Variants in AFF1 observed in about 807,000 individuals in gnomAD.
The protein encoded by AFF1 is ALF transcription elongation factor 1.
Under a neutral mutation model 121.7 loss-of-function variants are expected in AFF1, and 48 were observed. The observed-to-expected ratio is 0.39, with a 90% confidence interval of 0.31 to 0.50. The LOEUF is 0.50. Ranked by LOEUF, AFF1 falls within the 20% of genes least tolerant of loss-of-function variation. The pLI, the probability that AFF1 is intolerant of heterozygous loss-of-function variation, is 0.76. For missense variants in AFF1, 1,523 were observed against 1,511.7 expected (o/e 1.01, Z -0.12); for synonymous variants, 613 against 563.0 (o/e 1.09, Z -1.26).
Position 87,122,591 on chromosome 4 carries a change from A to G in AFF1, c.2467-2446A>G, listed in dbSNP as rs142350221. ...GGTTTAGAACTCGGTTGCTTATTTC[A>G]TATTGTCTCCCTTTTCAGTCCTTCA... On this transcript the variant is annotated intron_variant, in intron 12 of 20. Coordinates refer to ENST00000395146, the MANE Select transcript of AFF1 (RefSeq NM_001166693.3). 3.2e-3 allele frequency among the ~76,000 whole-genome samples: 485 copies of G among 152,034 alleles called. 3 individuals carry two copies. Among genetic ancestry groups the G allele is most frequent in the African/African-American group, 0.011 (457 of 41,376 alleles).
intron 1 of AFF1, among the ~76,000 whole-genome samples, chr4:86,944,074 GTTGAGGTTGCA>G: frequency 6.6e-6 from 1 of 150,664 alleles, no homozygotes; most frequent in Non-Finnish European, 1.5e-5. Context: ...AGCCCAGAAG[GTTGAGGTTGCA>G]GTGAGCCATG....
At chr4:87,110,649 T>C (rs1411716869) in intron 11 of AFF1, among the ~76,000 whole-genome samples, 10 of 152,152 alleles carry the variant, frequency 6.6e-5, no homozygotes, top group Admixed American at 6.5e-4. Flanking sequence ...AAAAAAAATT[T>C]TGCACTCATA....
At chr4:87,081,638 CAG>C (rs1723194637) in intron 4 of AFF1, among the ~76,000 whole-genome samples, 1 of 152,118 alleles carries the variant, frequency 6.6e-6, no homozygotes. Context: ...CCATGGGAAA[CAG>C]TGCTTTGTGG....
At chr4:86,977,374 T>TA (rs1723381429) in intron 2 of AFF1, among the ~76,000 whole-genome samples, 1 of 152,182 alleles carries the variant, frequency 6.6e-6, no homozygotes, top group Admixed American at 6.5e-5. Context: ...ATTTAAAACT[T>TA]ATGAATTGCT....
intron 4 of AFF1, among the ~76,000 whole-genome samples, chr4:87,049,407 G>T (rs1241129976): frequency 6.6e-6 from 1 of 152,152 alleles, no homozygotes; most frequent in Non-Finnish European, 1.5e-5. Flanking sequence ...GAGGATTCCT[G>T]TTAACTTACT....
At chr4:87,007,309 C>G in intron 2 of AFF1, 5 of 1,587,958 alleles carry the variant, frequency 3.1e-6, no homozygotes, top group Non-Finnish European at 4.3e-6. Context: ...GGACGCGTCC[C>G]CGCCCGGCTC....
chr4:86,983,953 T>C (rs1361365609), intron 2 of AFF1, among the ~76,000 whole-genome samples: 1 of 142,868 alleles, frequency 7.0e-6, no homozygotes, highest in Non-Finnish European at 1.5e-5. Flanking sequence ...AGGAGAATGG[T>C]GTGAACCCGG....
chr4:87,057,476 A>C (rs1166959552), intron 4 of AFF1, among the ~76,000 whole-genome samples: 2 of 152,170 alleles, frequency 1.3e-5, no homozygotes, highest in African/African-American at 4.8e-5. Context: ...AAGTGGGTCT[A>C]ATATACTGAG....
chr4:87,113,133 T>G (rs1236198256), intron 11 of AFF1, among the ~76,000 whole-genome samples: 1 of 152,232 alleles, frequency 6.6e-6, no homozygotes, highest in Non-Finnish European at 1.5e-5. Context: ...CAACAAAGGT[T>G]GAACTAATAG....
At chr4:86,975,705 C>T (rs1007927267) in intron 2 of AFF1, among the ~76,000 whole-genome samples, 5 of 152,218 alleles carry the variant, frequency 3.3e-5, no homozygotes, top group Admixed American at 3.3e-4. Flanking sequence ...ACACTTAATA[C>T]TACCTCCTTA....
intron 4 of AFF1, among the ~76,000 whole-genome samples, chr4:87,072,045 G>T (rs1002895137): frequency 2.6e-5 from 4 of 152,008 alleles, no homozygotes; most frequent in Non-Finnish European, 5.9e-5. Flanking sequence ...GAGATGGAGA[G>T]AAAATAATAT....
At chr4:87,015,823 G>T (rs1244793399) in intron 2 of AFF1, among the ~76,000 whole-genome samples, 1 of 152,304 alleles carries the variant, frequency 6.6e-6, no homozygotes, top group East Asian at 1.9e-4. Context: ...TCTCTCTGAG[G>T]TCACTCGTAT....
intron 4 of AFF1, among the ~76,000 whole-genome samples, chr4:87,063,171 A>G (rs1286527257): frequency 6.7e-6 from 1 of 150,092 alleles, no homozygotes; most frequent in Non-Finnish European, 1.5e-5. Flanking sequence ...TATCTACATC[A>G]TAATTATAGC....
At chr4:87,086,217 T>C (rs1336406091) in intron 5 of AFF1, among the ~76,000 whole-genome samples, 3 of 152,218 alleles carry the variant, frequency 2.0e-5, no homozygotes, top group Non-Finnish European at 4.4e-5. Context: ...GCCTTGGCAT[T>C]TCCTCTGAAA....
At chr4:87,120,412 C>T (rs1364332826) in intron 12 of AFF1, among the ~76,000 whole-genome samples, 2 of 152,166 alleles carry the variant, frequency 1.3e-5, no homozygotes, top group East Asian at 1.9e-4. Flanking sequence ...AATTTAGGTG[C>T]GGAAAGAACC....
At chr4:86,964,510 A>G (rs1460064475) in intron 2 of AFF1, among the ~76,000 whole-genome samples, 2 of 146,850 alleles carry the variant, frequency 1.4e-5, no homozygotes, top group Non-Finnish European at 3.0e-5. Context: ...ACCTCTGCTC[A>G]CCACAACCTC....
intron 2 of AFF1, among the ~76,000 whole-genome samples, chr4:87,024,160 C>G (rs1030806570): frequency 1.3e-5 from 2 of 152,290 alleles, no homozygotes; most frequent in East Asian, 3.9e-4. Flanking sequence ...ACGGCTGATA[C>G]ACAGCTTCAG....
In AFF1 at chr4:86,981,791, A is replaced by G. The variant is rs539724265; in HGVS notation, c.38+33220A>G. 2.2e-4 allele frequency among the ~76,000 whole-genome samples: 33 copies of G among 152,320 alleles called. No individual in the cohort carries two copies. The South Asian group carries it at 4.1e-3, about 19-fold the overall frequency. ...TTTGCTTCTAGCTTGTTATACCACAAATCACTTTATAAATAACAGACGTGC... is the reference window on the plus strand; with the variant it reads ...TTTGCTTCTAGCTTGTTATACCACAGATCACTTTATAAATAACAGACGTGC... On this transcript the variant is annotated intron_variant, in intron 2 of 20. Transcript: ENST00000395146.
At chr4:87,088,135 C>T (rs142254124) in intron 5 of AFF1, among the ~76,000 whole-genome samples, 1 of 150,784 alleles carries the variant, frequency 6.6e-6, no homozygotes, top group Non-Finnish European at 1.5e-5. Context: ...AGATGACTTA[C>T]TTAGGCTGAC....
Sources: allele counts gnomAD v4.1 joint callset (sites outside exome capture counted in the v4.1 genomes callset), GRCh38; gene constraint gnomAD v4.1.1; transcripts MANE v1.5; gene names NCBI Gene and HGNC (gene_info 2026-07-23, HGNC 2026-07-21).